Variants in TMEM30A observed in about 807,000 individuals in gnomAD.
The protein encoded by TMEM30A is cell cycle control protein 50A.
TMEM30A carries 24 observed loss-of-function variants against 38.2 expected under a neutral mutation model. The ratio of observed to expected loss-of-function variants is 0.63; its 90% CI spans 0.46 to 0.88. The LOEUF is 0.88. Among genes scored for constraint, TMEM30A ranks in the 40% least tolerant of loss-of-function variants. The pLI, the probability that TMEM30A is intolerant of heterozygous loss-of-function variation, is 0.00. For synonymous variants in TMEM30A, 145 were observed against 161.6 expected (o/e 0.90, Z 0.78); for missense variants, 370 against 458.6 (o/e 0.81, Z 1.77).
chr6:75,267,638 G>T lies in TMEM30A; in HGVS notation c.345+3C>A. 3 of 1,597,990 alleles carry T rather than the reference G, an allele frequency of 1.9e-6. No individual in the cohort carries two copies. Among genetic ancestry groups the T allele is most frequent in the East Asian group, 2.2e-5 (1 of 44,610 alleles). ...TTCTAGCACATTACTTGGAAACACA[G>T]ACCTCAAATGACTTTTCCAGTGTGA... On this transcript the variant is annotated splice_donor_region_variant and intron_variant, in intron 2 of 6. Transcript: ENST00000230461.
chr6:75,270,266 G>A (rs753299262), intron 1 of TMEM30A, among the ~76,000 whole-genome samples: 20 of 152,178 alleles, frequency 1.3e-4, no homozygotes, highest in Non-Finnish European at 2.6e-4. Flanking sequence ...ATATGTCATT[G>A]TTGTTGTAAT....
intron 6 of TMEM30A, among the ~76,000 whole-genome samples, chr6:75,258,444 A>G (rs990551543): frequency 6.6e-5 from 10 of 152,136 alleles, no homozygotes; most frequent in African/African-American, 2.4e-4. Flanking sequence ...GTACCACTCA[A>G]CACCCAATTT....
intron 3 of TMEM30A, among the ~76,000 whole-genome samples, chr6:75,264,546 GAATC>G (rs1772030940): frequency 6.6e-6 from 1 of 151,600 alleles, no homozygotes; most frequent in Non-Finnish European, 1.5e-5. Flanking sequence ...TGAGGCAGGA[GAATC>G]ACTTGAACCC....
At chr6:75,263,614 T>G (rs1260556142) in intron 3 of TMEM30A, among the ~76,000 whole-genome samples, 1 of 152,204 alleles carries the variant, frequency 6.6e-6, no homozygotes, top group Non-Finnish European at 1.5e-5. Context: ...AATGACATTC[T>G]AAGCAAATAA....
intron 6 of TMEM30A, chr6:75,256,788 A>C: frequency 2.1e-6 from 1 of 479,036 alleles, no homozygotes; most frequent in Non-Finnish European, 4.2e-6. Context: ...GTAATAAAAA[A>C]GTTTTAACTT....
At chr6:75,267,184 GT>G (rs1323638339) in intron 2 of TMEM30A, among the ~76,000 whole-genome samples, 1 of 152,082 alleles carries the variant, frequency 6.6e-6, no homozygotes, top group Non-Finnish European at 1.5e-5. Context: ...GATCAGTAAG[GT>G]TTTAATAAGT....
intron 1 of TMEM30A, among the ~76,000 whole-genome samples, chr6:75,274,882 G>T (rs1444506940): frequency 6.6e-6 from 1 of 152,108 alleles, no homozygotes; most frequent in African/African-American, 2.4e-5. Context: ...CTGGTGGCGG[G>T]CGCCTGTAGT....
Position 75,253,174 on chromosome 6 carries a change from T to C in TMEM30A, c.*2928A>G, listed in dbSNP as rs397039. On this transcript the variant is annotated 3_prime_UTR_variant, in exon 7 of 7. Transcript: ENST00000230461. ...ACCTTACAGCTTAACCAACAAAAAA[T>C]GTGTCATACAATAATTCTAAGGCAA... is the stretch of plus-strand genomic sequence containing the variant. 139,344 of 152,124 alleles carry C rather than the reference T, an allele frequency of 0.92. 64,048 individuals carry two copies. Among genetic ancestry groups the C allele is most frequent in the East Asian group, 0.98 (5,083 of 5,172 alleles). The allele number at this position is 152,124 out of a possible 1,614,324, so 9.4% of individuals were successfully genotyped here. A position where few individuals can be genotyped will look rare whatever the true frequency, so the allele number is the denominator to read the frequency against.
In TMEM30A at chr6:75,284,581, C is replaced by G. The variant is rs983846586; in HGVS notation, c.58G>C (p.Gly20Arg). Residue 20 changes from glycine (G) to arginine (R), a missense_variant, in exon 1 of 7, where the codon GGG becomes CGG. Physicochemically the swap from Gly to Arg is moderately radical, Grantham distance 125 (BLOSUM62 -2). Transcript: ENST00000230461. Reference sequence around the variant, plus strand: ...GGTCTCCGAGTCTTCGCGGTGCCCCCCGGAGCACACGGGGGCCCACCGTCC... The same window carrying G: ...GGTCTCCGAGTCTTCGCGGTGCCCCGCGGAGCACACGGGGGCCCACCGTCC... ...EVDGGPPCAP[G>R]GTAKTRRPDN... is the part of the protein sequence containing the mutation. 3 of 1,613,608 alleles carry G rather than the reference C, an allele frequency of 1.9e-6. No homozygotes were observed. Among genetic ancestry groups the G allele is most frequent in the African/African-American group, 2.7e-5 (2 of 74,932 alleles).
rs1428043837 is a variant in TMEM30A, at chr6:75,259,002, G to A, written c.686-16C>T. On this transcript the variant is annotated splice_polypyrimidine_tract_variant and intron_variant, in intron 5 of 6. Transcript: ENST00000230461. ...TTTGTTGTACCTTAAAAGGAGTGGGGAGGGGATAAGGAGACAAAATATTAC... is the reference window on the plus strand; with the variant it reads ...TTTGTTGTACCTTAAAAGGAGTGGGAAGGGGATAAGGAGACAAAATATTAC... 1 of 1,602,760 alleles carries A rather than the reference G, an allele frequency of 6.2e-7. No individual in the cohort carries two copies. Among genetic ancestry groups the A allele is most frequent in the African/African-American group, 1.3e-5 (1 of 74,660 alleles).
chr6:75,256,605 A>C (rs1771871858), intron 6 of TMEM30A, among the ~76,000 whole-genome samples: 1 of 152,134 alleles, frequency 6.6e-6, no homozygotes, highest in South Asian at 2.1e-4. Flanking sequence ...AAAGGAATGC[A>C]ATGTGAAAAA....
intron 1 of TMEM30A, among the ~76,000 whole-genome samples, chr6:75,278,845 A>C (rs1385221562): frequency 1.3e-5 from 2 of 152,110 alleles, no homozygotes; most frequent in African/African-American, 4.8e-5. Context: ...ATTTCCTGCC[A>C]CTAGATCGTT....
intron 1 of TMEM30A, among the ~76,000 whole-genome samples, chr6:75,279,366 C>T (rs1273614357): frequency 6.6e-6 from 1 of 152,052 alleles, no homozygotes; most frequent in Non-Finnish European, 1.5e-5. Context: ...CCTAACAATC[C>T]TTTATTTTTT....
intron 1 of TMEM30A, among the ~76,000 whole-genome samples, chr6:75,272,036 T>C (rs1354225411): frequency 6.6e-6 from 1 of 152,234 alleles, no homozygotes; most frequent in Admixed American, 6.5e-5. Flanking sequence ...GACAATAGCA[T>C]ACACATTTTG....
chr6:75,267,962 G>C (rs1429731661), intron 1 of TMEM30A, among the ~76,000 whole-genome samples: 1 of 152,098 alleles, frequency 6.6e-6, no homozygotes, highest in Non-Finnish European at 1.5e-5. Context: ...TCCAAGTAAA[G>C]TCCTCTCTTC....
At chr6:75,264,536 T>G (rs930426840) in intron 3 of TMEM30A, among the ~76,000 whole-genome samples, 1 of 151,946 alleles carries the variant, frequency 6.6e-6, no homozygotes, top group Non-Finnish European at 1.5e-5. Context: ...CTCGGGAGAC[T>G]GAGGCAGGAG....
rs766275801 is a variant in TMEM30A, at chr6:75,284,670, G to T, written c.-32C>A. On this transcript the variant is annotated 5_prime_UTR_variant, in exon 1 of 7. It adds an upstream start codon to the 5' untranslated region. Coordinates refer to ENST00000230461, the MANE Select transcript of TMEM30A (RefSeq NM_018247.4). The stretch of plus-strand genomic sequence containing the variant: ...CTGGGGCGCCGCTCCGCGATTTGCA[G>T]GTGGACCACCCAGGGGGCCCGCCGG... 39 of 1,606,718 alleles carry T rather than the reference G, an allele frequency of 2.4e-5. No individual in the cohort carries two copies. Among genetic ancestry groups the T allele is most frequent in the Non-Finnish European group, 3.0e-5 (35 of 1,177,476 alleles).
intron 1 of TMEM30A, among the ~76,000 whole-genome samples, chr6:75,282,149 T>C (rs1772368970): frequency 6.6e-6 from 1 of 152,226 alleles, no homozygotes; most frequent in Admixed American, 6.5e-5. Context: ...CAGTCTAATC[T>C]GAATCTTTTG....
At chr6:75,276,122 T>C (rs1772255414) in intron 1 of TMEM30A, among the ~76,000 whole-genome samples, 1 of 152,228 alleles carries the variant, frequency 6.6e-6, no homozygotes, top group Non-Finnish European at 1.5e-5. Context: ...GCTGAACACA[T>C]GGAAGTGCCT....
Sources: allele counts gnomAD v4.1 joint callset (sites outside exome capture counted in the v4.1 genomes callset), GRCh38; gene constraint gnomAD v4.1.1; transcripts MANE v1.5; gene names NCBI Gene and HGNC (gene_info 2026-07-23, HGNC 2026-07-21).